GUCY1B1: variants seen among roughly 807,000 people sequenced by gnomAD.
The protein encoded by GUCY1B1 is guanylate cyclase 1 soluble subunit beta 1, also known as guanylate cyclase soluble subunit beta-1.
In GUCY1B1, 43 loss-of-function variants were observed where a neutral mutation model predicts 71.0. The ratio of observed to expected loss-of-function variants is 0.61; its 90% confidence interval spans 0.47 to 0.78. The LOEUF (loss-of-function observed/expected upper bound fraction) is 0.78. GUCY1B1 is among the 30% of genes least tolerant of loss of function. The pLI is 0.00. For missense variants in GUCY1B1, 535 were observed against 754.1 expected (o/e 0.71, Z 3.40); for synonymous variants, 266 against 259.7 (o/e 1.02, Z -0.23).
intron 3 of GUCY1B1, among the ~76,000 whole-genome samples, chr4:155,776,376 T>C (rs1307779858): frequency 1.3e-5 from 2 of 152,162 alleles, no homozygotes; most frequent in South Asian, 2.1e-4. Context: ...AAATAAATTA[T>C]TGCATCCATA....
intron 4 of GUCY1B1, among the ~76,000 whole-genome samples, chr4:155,780,601 G>A (rs544764251): frequency 1.4e-4 from 22 of 152,102 alleles, no homozygotes; most frequent in Non-Finnish European, 2.9e-4. Context: ...GTATATCTGA[G>A]AATAAATGAA....
chr4:155,763,371 A>G (rs1264866830), intron 2 of GUCY1B1, among the ~76,000 whole-genome samples: 1 of 152,136 alleles, frequency 6.6e-6, no homozygotes, highest in African/African-American at 2.4e-5. Context: ...TCACTGAAAC[A>G]TACAAATTAG....
intron 4 of GUCY1B1, among the ~76,000 whole-genome samples, chr4:155,780,302 C>T (rs1738327636): frequency 6.6e-6 from 1 of 152,148 alleles, no homozygotes; most frequent in Non-Finnish European, 1.5e-5. Flanking sequence ...TTCCACTGCT[C>T]TTCTCTTTGC....
intron 8 of GUCY1B1, among the ~76,000 whole-genome samples, chr4:155,796,908 A>G (rs957603466): frequency 1.3e-5 from 2 of 152,232 alleles, no homozygotes; most frequent in Admixed American, 6.5e-5. Context: ...TATCTTTTCT[A>G]TAGTATGTTA....
intron 2 of GUCY1B1, among the ~76,000 whole-genome samples, chr4:155,772,348 A>G (rs905772052): frequency 6.6e-6 from 1 of 152,170 alleles, no homozygotes; most frequent in African/African-American, 2.4e-5. Flanking sequence ...TTATCTCTTT[A>G]CTGTTGTGAA....
At position 155,795,411 on chromosome 4, in the gene GUCY1B1, A is replaced by G. The variant is rs560902664; in HGVS notation, c.797A>G (p.His266Arg). Residue 266 changes from histidine (H) to arginine (R), a missense_variant, in exon 7 of 14, where the codon CAT becomes CGT. His to Arg is a conservative substitution (Grantham distance 29). Coordinates refer to ENST00000264424, the MANE Select transcript of GUCY1B1 (RefSeq NM_000857.5). ...CGTCCTCATATTGATATTAGTTTCC[A>G]TGGGATCCTTTCTCACATCAATACT... ...LVRPHIDISF[H>R]GILSHINTVF... 3.7e-6 allele frequency: 6 copies of G among 1,604,660 alleles called. No homozygotes were observed. Among genetic ancestry groups the G allele is most frequent in the Non-Finnish European group, 4.3e-6 (5 of 1,171,864 alleles).
At chr4:155,794,659 G>C (rs1039364061) in intron 6 of GUCY1B1, among the ~76,000 whole-genome samples, 1 of 152,130 alleles carries the variant, frequency 6.6e-6, no homozygotes, top group Non-Finnish European at 1.5e-5. Context: ...TTTTGGAGTT[G>C]TATATGGCAT....
intron 12 of GUCY1B1, 58 bp from the exon 13 acceptor site, chr4:155,805,045 C>A: frequency 2.7e-6 from 4 of 1,456,038 alleles, no homozygotes; most frequent in Admixed American, 1.8e-5. Context: ...ATACATGTCA[C>A]CTTCTCTATA....
intron 8 of GUCY1B1, among the ~76,000 whole-genome samples, chr4:155,797,024 A>G (rs1221185318): frequency 1.3e-5 from 2 of 152,208 alleles, no homozygotes; most frequent in Non-Finnish European, 1.5e-5. Context: ...TTCAATTAAA[A>G]TGTATGTAAA....
intron 13 of GUCY1B1, 106 bp downstream of exon 13, chr4:155,805,335 AAC>A: frequency 1.1e-6 from 1 of 904,386 alleles, no homozygotes; most frequent in South Asian, 1.8e-5. Flanking sequence ...AATTCTTGCT[AAC>A]AGAAATTAAC....
At chr4:155,765,531 A>C (rs1381937262) in intron 2 of GUCY1B1, among the ~76,000 whole-genome samples, 6 of 152,186 alleles carry the variant, frequency 3.9e-5, no homozygotes, top group African/African-American at 1.4e-4. Context: ...AGTGAAGTTA[A>C]AGTGGATTTT....
In GUCY1B1 at chr4:155,807,062, T is replaced by A. The variant is rs978575165; in HGVS notation, c.*653T>A. On this transcript the variant is annotated 3_prime_UTR_variant, in exon 14 of 14. Transcript: ENST00000264424. ...TTCTGTTATTAAAGTATTTGATTAC[T>A]AATTCAAATCATATGGCAATTATAA... The A allele has an allele frequency of 1.3e-5, 2 of 152,226 alleles. No individual in the cohort carries two copies. The highest frequency in any genetic ancestry group is 4.8e-5 in the African/African-American group (2 of 41,472). 9.4% of individuals were successfully genotyped at this position (152,226 alleles called of 1,614,324 possible). A position where few individuals can be genotyped will look rare whatever the true frequency, so the allele number is the denominator to read the frequency against.
intron 12 of GUCY1B1, 104 bp from the exon 13 acceptor site, chr4:155,804,999 T>A: frequency 1.0e-6 from 1 of 1,004,196 alleles, no homozygotes; most frequent in Non-Finnish European, 1.5e-6. Flanking sequence ...CAGTACAACT[T>A]CAGCATTTGT....
At chr4:155,772,788 T>C (rs897958660) in intron 2 of GUCY1B1, 2 of 702,510 alleles carry the variant, frequency 2.8e-6, no homozygotes, top group South Asian at 3.0e-5. Context: ...TGGTAAAGCC[T>C]GGGCTCTGAA....
rs760316526 is a variant in GUCY1B1, at chr4:155,793,842, C to T, written c.496-14C>T. 7 of 1,116,150 alleles carry T rather than the reference C, an allele frequency of 6.3e-6. No individual in the cohort carries two copies. In the African/African-American group the frequency reaches 9.2e-5, roughly 15 times the overall value. 69.1% of individuals were successfully genotyped at this position (1,116,150 alleles called of 1,614,324 possible). ...ATGAAGACAATTCATGCCATTTCCCCCTTTGATATCCAGGTTATTCAGCAA... is the reference window on the plus strand; with the variant it reads ...ATGAAGACAATTCATGCCATTTCCCTCTTTGATATCCAGGTTATTCAGCAA... On this transcript the variant is annotated splice_polypyrimidine_tract_variant and intron_variant, in intron 5 of 13. Coordinates refer to ENST00000264424, the MANE Select transcript of GUCY1B1 (RefSeq NM_000857.5).
In GUCY1B1 at chr4:155,759,087, C is replaced by T. The variant is rs1736752947; in HGVS notation, c.-54C>T. 7.6e-6 allele frequency: 12 copies of T among 1,574,620 alleles called. No homozygotes were observed. The highest frequency in any genetic ancestry group is 1.0e-5 in the Non-Finnish European group (12 of 1,159,462). ...GCCGCTGCCGCCTCTGCCTGGGTCC[C>T]TTCGGCCGTACCTCTGCGTGGGGGC... On this transcript the variant is annotated 5_prime_UTR_variant, in exon 1 of 14. Coordinates refer to ENST00000264424, the MANE Select transcript of GUCY1B1 (RefSeq NM_000857.5).
chr4:155,804,534 A>AT (rs1288896190), intron 11 of GUCY1B1, 59 bp from the exon 12 acceptor site: 59 of 1,426,316 alleles, frequency 4.1e-5, no homozygotes, highest in Non-Finnish European at 5.5e-5. Flanking sequence ...TAAAATAAAA[A>AT]AAAAAAAATT....
Position 155,789,852 on chromosome 4 carries a change from G to T in GUCY1B1, c.436G>T (p.Val146Phe). The T allele has an allele frequency of 6.2e-7, 1 of 1,613,176 alleles. No individual in the cohort carries two copies. The highest frequency in any genetic ancestry group is 8.5e-7 in the Non-Finnish European group (1 of 1,179,292). ...YSEREGLQDIVIGIIKTVAQQ... is the reference protein window; with the variant it reads ...YSEREGLQDIFIGIIKTVAQQ... ...AGAGAGAGAAGGACTTCAGGATATT[G>T]TCATTGGAATCATCAAAACAGTGGC... is the stretch of plus-strand genomic sequence containing the variant. Residue 146 changes from valine to phenylalanine, a missense_variant, in exon 5 of 14, where the codon GTC (valine) becomes TTC (phenylalanine). Coordinates refer to ENST00000264424, the MANE Select transcript of GUCY1B1 (RefSeq NM_000857.5).
In GUCY1B1 at chr4:155,777,518, A is replaced by C; in HGVS notation, c.179-6A>C. Reference sequence around the variant, plus strand: ...CTTTTTTTCCCCTCTTGAATTTGTAAAATAGATCTCAATGCTGGAGAAATC... The same window carrying C: ...CTTTTTTTCCCCTCTTGAATTTGTACAATAGATCTCAATGCTGGAGAAATC... On this transcript the variant is annotated splice_polypyrimidine_tract_variant and splice_region_variant and intron_variant, in intron 3 of 13. Transcript: ENST00000264424. The C allele has an allele frequency of 1.4e-6, 2 of 1,477,332 alleles. No individual in the cohort carries two copies. The highest frequency in any genetic ancestry group is 1.9e-6 in the Non-Finnish European group (2 of 1,055,994). 91.5% of individuals were successfully genotyped at this position (1,477,332 alleles called of 1,614,324 possible).
Sources: allele counts gnomAD v4.1 joint callset (sites outside exome capture counted in the v4.1 genomes callset), GRCh38; gene constraint gnomAD v4.1.1; transcripts MANE v1.5; gene names NCBI Gene and HGNC (gene_info 2026-07-23, HGNC 2026-07-21).